MACROD2: variants seen among roughly 807,000 people sequenced by gnomAD.
MACROD2 encodes the protein mono-ADP ribosylhydrolase 2, also known as ADP-ribose glycohydrolase MACROD2.
MACROD2 carries 36 observed loss-of-function variants against 70.4 expected under a neutral mutation model. The observed-to-expected ratio is 0.51, with a 90% confidence interval of 0.39 to 0.68. The LOEUF (loss-of-function observed/expected upper bound fraction) is 0.68, where lower values mean the gene tolerates loss of function less well. Ranked by LOEUF, MACROD2 falls within the 30% of genes least tolerant of loss-of-function variation. MACROD2 has a pLI of 0.00. For missense variants in MACROD2, 496 were observed against 538.4 expected, an observed-to-expected ratio of 0.92 and a Z score of 0.78; for synonymous variants, 172 against 178.8, an observed-to-expected ratio of 0.96 and a Z score of 0.30.
At chr20:15,137,956 A>G (rs1203125745) in intron 5 of MACROD2, among the ~76,000 whole-genome samples, 1 of 152,058 alleles carries the variant, frequency 6.6e-6, no homozygotes, top group Non-Finnish European at 1.5e-5. Flanking sequence ...CCTTCCACAT[A>G]TCAGCTGAAG....
chr20:15,013,917 T>C (rs2075102346), intron 5 of MACROD2, among the ~76,000 whole-genome samples: 1 of 152,210 alleles, frequency 6.6e-6, no homozygotes, highest in Non-Finnish European at 1.5e-5. Flanking sequence ...CTTAAGAAGA[T>C]GATGCAAATC....
At chr20:14,092,202 C>G (rs993026912) in intron 3 of MACROD2, among the ~76,000 whole-genome samples, 3 of 151,512 alleles carry the variant, frequency 2.0e-5, no homozygotes. Context: ...AAATTTTTTT[C>G]TCTGCTGTTT....
chr20:15,563,862 T>C (rs2048276591), intron 8 of MACROD2, among the ~76,000 whole-genome samples: 1 of 152,222 alleles, frequency 6.6e-6, no homozygotes, highest in Non-Finnish European at 1.5e-5. Context: ...AAGGAATCCT[T>C]AAACTGTTTT....
chr20:14,794,905 G>A (rs965584955), intron 5 of MACROD2, among the ~76,000 whole-genome samples: 3 of 152,040 alleles, frequency 2.0e-5, no homozygotes, highest in Non-Finnish European at 4.4e-5. Context: ...TGGGGAGTGT[G>A]TTTGTATAAG....
At chr20:14,130,066 A>G (rs1213353075) in intron 3 of MACROD2, among the ~76,000 whole-genome samples, 2 of 152,266 alleles carry the variant, frequency 1.3e-5, no homozygotes, top group East Asian at 3.9e-4. Flanking sequence ...ACTGAGGAAG[A>G]CAATGTCATT....
intron 7 of MACROD2, among the ~76,000 whole-genome samples, chr20:15,495,312 A>G (rs139872763): frequency 3.9e-5 from 6 of 152,320 alleles, no homozygotes; most frequent in African/African-American, 1.4e-4. Context: ...TATCCTGAAC[A>G]TCATGCTTTA....
intron 6 of MACROD2, among the ~76,000 whole-genome samples, chr20:15,232,953 C>A (rs2076971704): frequency 6.6e-6 from 1 of 151,510 alleles, no homozygotes; most frequent in African/African-American, 2.4e-5. Context: ...TGAATAAGAC[C>A]TACTGTGTAC....
intron 15 of MACROD2, among the ~76,000 whole-genome samples, chr20:15,997,256 T>G (rs1328122041): frequency 6.6e-6 from 1 of 152,190 alleles, no homozygotes; most frequent in Non-Finnish European, 1.5e-5. Context: ...CTTGAAATTG[T>G]GATAGGGATT....
chr20:14,861,721 A>C (rs763355809), intron 5 of MACROD2, among the ~76,000 whole-genome samples: 4 of 151,208 alleles, frequency 2.6e-5, no homozygotes, highest in Non-Finnish European at 4.4e-5. Flanking sequence ...CTTTCTCATT[A>C]AGGTAACTCA....
chr20:14,724,579 G>A (rs2071506431), intron 5 of MACROD2, among the ~76,000 whole-genome samples: 1 of 152,174 alleles, frequency 6.6e-6, no homozygotes, highest in Non-Finnish European at 1.5e-5. Context: ...AATCCTTTCT[G>A]CAGAGGATAT....
chr20:14,899,537 C>T lies in MACROD2; in HGVS notation c.418+214578C>T, dbSNP rs111524466. Among the ~76,000 whole-genome samples the T allele has an allele frequency of 4.1e-3, 628 of 152,224 alleles. 2 individuals carry two copies. Among genetic ancestry groups the T allele is most frequent in the African/African-American group, 0.014 (592 of 41,546 alleles). Reference sequence around the variant, plus strand: ...TGCTTTCATCCTCACATGGGGGTCTCTTTGTATGTGCCTCTGTGTCCAAAA... The same window carrying T: ...TGCTTTCATCCTCACATGGGGGTCTTTTTGTATGTGCCTCTGTGTCCAAAA... On this transcript the variant is annotated intron_variant, in intron 5 of 17. Transcript: ENST00000684519.
chr20:15,919,792 A>G (rs2065375018), intron 10 of MACROD2, among the ~76,000 whole-genome samples: 1 of 152,192 alleles, frequency 6.6e-6, no homozygotes, highest in Admixed American at 6.5e-5. Context: ...ATCCACTGTC[A>G]GCGGGTATTG....
At chr20:14,214,560 T>C (rs1322677605) in intron 3 of MACROD2, among the ~76,000 whole-genome samples, 1 of 151,786 alleles carries the variant, frequency 6.6e-6, no homozygotes, top group East Asian at 1.9e-4. Context: ...TAACTGTTTC[T>C]ACCTGAGAAG....
At chr20:15,431,567 A>C in intron 7 of MACROD2, 132 bp downstream of exon 7, 1 of 781,150 alleles carries the variant, frequency 1.3e-6, no homozygotes, top group Non-Finnish European at 2.1e-6. Flanking sequence ...ATGCTCGTCA[A>C]ATCCCATTAA....
intron 5 of MACROD2, among the ~76,000 whole-genome samples, chr20:15,029,340 A>G (rs927903167): frequency 2.0e-5 from 3 of 152,212 alleles, no homozygotes; most frequent in Non-Finnish European, 2.9e-5. Context: ...AGTAGATTGC[A>G]CGAGACTTAT....
chr20:15,498,110 TC>T (rs2047320861), intron 7 of MACROD2, among the ~76,000 whole-genome samples: 1 of 152,250 alleles, frequency 6.6e-6, no homozygotes, highest in Non-Finnish European at 1.5e-5. Context: ...ACGCACATTT[TC>T]TGTATAACAG....
chr20:15,494,537 C>G (rs2047269944), intron 7 of MACROD2, among the ~76,000 whole-genome samples: 1 of 152,146 alleles, frequency 6.6e-6, no homozygotes, highest in Non-Finnish European at 1.5e-5. Context: ...GTAAATCAGG[C>G]AGGCATAATT....
chr20:14,046,089 C>T (rs1400197330), intron 2 of MACROD2, among the ~76,000 whole-genome samples: 1 of 152,018 alleles, frequency 6.6e-6, no homozygotes, highest in Non-Finnish European at 1.5e-5. Context: ...ATGAGAAATT[C>T]CCAAAATTAA....
At chr20:15,571,579 C>G (rs528022555) in intron 8 of MACROD2, among the ~76,000 whole-genome samples, 1 of 152,156 alleles carries the variant, frequency 6.6e-6, no homozygotes, top group Non-Finnish European at 1.5e-5. Context: ...TTTAGATCCT[C>G]ATACTGGTGA....
Sources: gnomAD v4.1 joint callset for allele counts (sites outside exome capture counted in the v4.1 genomes callset) on GRCh38, gnomAD v4.1.1 for gene constraint, MANE v1.5 for transcripts, NCBI Gene and HGNC (gene_info 2026-07-23, HGNC 2026-07-21) for gene names.